Variants in NUP210 observed in about 807,000 individuals in gnomAD.
The protein encoded by NUP210 is nuclear pore membrane glycoprotein 210.
A neutral mutation model predicts 196.0 loss-of-function variants in NUP210; 151 were observed. The observed-to-expected ratio is 0.77, with a 90% CI of 0.67 to 0.88. The LOEUF (loss-of-function observed/expected upper bound fraction) is 0.88, where lower values mean the gene tolerates loss of function less well. NUP210 is among the 40% of genes least tolerant of loss of function. The probability of loss-of-function intolerance (pLI) is 0.00; values close to 1 mark genes in which losing one functional copy is unlikely to be tolerated. For synonymous variants in NUP210, 1,070 were observed against 1,052.7 expected (o/e 1.02, Z -0.32); for missense variants, 2,314 against 2,493.7 (o/e 0.93, Z 1.53).
chr3:13,326,040 C>T (rs539937450), intron 32 of NUP210, 109 bp from the exon 33 acceptor site: 4 of 1,405,274 alleles, frequency 2.8e-6, no homozygotes, highest in Non-Finnish European at 3.9e-6. Flanking sequence ...CCGCTACCCC[C>T]ATGGGGGCTC....
intron 27 of NUP210, 65 bp from the exon 28 acceptor site, chr3:13,335,677 A>G: frequency 6.4e-7 from 1 of 1,564,946 alleles, no homozygotes; most frequent in South Asian, 1.2e-5. Flanking sequence ...AAAAAGGCAG[A>G]GCCGGACAGT....
chr3:13,400,748 G>A (rs536456605), intron 1 of NUP210, among the ~76,000 whole-genome samples: 74 of 152,266 alleles, frequency 4.9e-4, no homozygotes, highest in Non-Finnish European at 7.9e-4. Context: ...TGGCCATGCT[G>A]CCCTCAGAGA....
intron 36 of NUP210, 115 bp from the exon 37 acceptor site, chr3:13,320,094 C>T: frequency 3.2e-6 from 3 of 932,852 alleles, no homozygotes; most frequent in Non-Finnish European, 4.9e-6. Context: ...TCTGGAAGCA[C>T]CCCCGCTTCA....
At chr3:13,320,694 G>A (rs1429901389) in intron 36 of NUP210, among the ~76,000 whole-genome samples, 2 of 144,866 alleles carry the variant, frequency 1.4e-5, no homozygotes, top group African/African-American at 2.6e-5. Flanking sequence ...TCAGGAGATC[G>A]AGACCATCCT....
intron 14 of NUP210, 134 bp downstream of exon 14, chr3:13,365,812 T>G: frequency 7.4e-6 from 7 of 952,136 alleles, no homozygotes; most frequent in Non-Finnish European, 1.1e-5. Flanking sequence ...CCAGAAATCA[T>G]GGGAGAGGAA....
intron 14 of NUP210, among the ~76,000 whole-genome samples, chr3:13,363,725 C>G (rs1282060313): frequency 1.3e-5 from 2 of 152,224 alleles, no homozygotes; most frequent in Non-Finnish European, 2.9e-5. Flanking sequence ...AGGAAGGAGA[C>G]AGATGAAAGG....
intron 32 of NUP210, among the ~76,000 whole-genome samples, chr3:13,326,944 T>C (rs1036912276): frequency 1.3e-5 from 2 of 152,268 alleles, no homozygotes; most frequent in African/African-American, 4.8e-5. Context: ...ATCTCTGCTA[T>C]GACCACACAA....
chr3:13,337,644 A>G (rs1344631866), intron 26 of NUP210, among the ~76,000 whole-genome samples, 193 bp downstream of exon 26: 1 of 152,228 alleles, frequency 6.6e-6, no homozygotes, highest in East Asian at 1.9e-4. Flanking sequence ...ACAGGCCAGC[A>G]GGAAGCAGGC....
intron 20 of NUP210, among the ~76,000 whole-genome samples, chr3:13,349,471 T>C (rs1697891282): frequency 6.6e-6 from 1 of 152,148 alleles, no homozygotes; most frequent in South Asian, 2.1e-4. Flanking sequence ...GTGAGAATAC[T>C]GGGGCCCGGC....
At chr3:13,377,283 C>T (rs1698944782) in intron 9 of NUP210, among the ~76,000 whole-genome samples, 173 bp downstream of exon 9, 1 of 152,142 alleles carries the variant, frequency 6.6e-6, no homozygotes, top group Non-Finnish European at 1.5e-5. Context: ...CTGGAGATGC[C>T]CCGGGATGCC....
intron 1 of NUP210, among the ~76,000 whole-genome samples, chr3:13,401,496 A>G (rs1699840144): frequency 6.7e-6 from 1 of 149,360 alleles, no homozygotes. Context: ...GAAGGAAAGC[A>G]ATCTACACCC....
chr3:13,354,207 C>T, intron 16 of NUP210, 100 bp from the exon 17 acceptor site: 1 of 992,378 alleles, frequency 1.0e-6, no homozygotes, highest in Non-Finnish European at 1.5e-6. Flanking sequence ...CCTGTGGGCT[C>T]TTGGGGGTGC....
At chr3:13,335,834 C>T (rs1216215601) in intron 27 of NUP210, among the ~76,000 whole-genome samples, 1 of 152,240 alleles carries the variant, frequency 6.6e-6, no homozygotes, top group Non-Finnish European at 1.5e-5. Flanking sequence ...GCCCTGCCTG[C>T]ATCGCACAAC....
chr3:13,360,521 A>G (rs1171542790), intron 14 of NUP210, 30 bp from the exon 15 acceptor site: 15 of 1,565,258 alleles, frequency 9.6e-6, no homozygotes, highest in Non-Finnish European at 1.2e-5. Context: ...AAGACTTGGC[A>G]TTCTTCTAAG....
In NUP210 at chr3:13,343,260, T is replaced by C. The variant is rs768107728; in HGVS notation, c.2879A>G (p.Asp960Gly). The stretch of plus-strand genomic sequence containing the variant: ...TGGGGCCGGGAAGACGAGGCACAAG[T>C]CATGGATCATGATGGTGGATGAGCC... ...LPGSSTIMIH[D>G]LCLVFPAPAK... The change falls in exon 21 of 40, where the codon GAC (aspartate) becomes GGC (glycine). Residue 960 changes from aspartate (D) to glycine (G), a missense_variant. Transcript: ENST00000254508. 6.2e-7 allele frequency: 1 copy of C among 1,605,300 alleles called. No homozygotes were observed. The highest frequency in any genetic ancestry group is 8.5e-7 in the Non-Finnish European group (1 of 1,176,310).
In NUP210 at chr3:13,369,263, T is replaced by A. The variant is rs569196173; in HGVS notation, c.1786+2571A>T. ...ATCTATTCAAGTCCTCTGCCTACTGTTTGATTGGGTTATTGGTGTTATTGC... is the reference window on the plus strand; with the variant it reads ...ATCTATTCAAGTCCTCTGCCTACTGATTGATTGGGTTATTGGTGTTATTGC... On this transcript the variant is annotated intron_variant, in intron 13 of 39. Coordinates refer to ENST00000254508, the MANE Select transcript of NUP210 (RefSeq NM_024923.4). Among the ~76,000 whole-genome samples the A allele has an allele frequency of 4.1e-4, 63 of 152,326 alleles. 2 individuals carry two copies. The South Asian group carries it at 5.4e-3, about 13-fold the overall frequency.
chr3:13,417,924 A>G (rs756144321), intron 1 of NUP210, among the ~76,000 whole-genome samples: 6 of 152,264 alleles, frequency 3.9e-5, no homozygotes, highest in Admixed American at 6.5e-5. Context: ...TGGGGGGGAA[A>G]AAAGTGTTGT....
Position 13,319,959 on chromosome 3 carries a change from G to A in NUP210, c.5187C>T (p.Ala1729=), listed in dbSNP as rs554003161. The change falls in exon 37 of 40, where the codon GCC becomes GCT. Residue 1729 remains alanine, a synonymous_variant. Transcript: ENST00000254508. ...ACTTCTCCTTTGCGAATGCCAGCAC[G>A]GCCGGGGACCCGGATTTCACCTGGA... ...ENLEVKSGSP[A]VLAFAKEKSF... is the part of the protein sequence containing the mutation. The A allele has an allele frequency of 9.8e-5, 158 of 1,613,914 alleles. 2 individuals carry two copies. The East Asian group carries it at 2.1e-3, about 22-fold the overall frequency.
chr3:13,415,558 C>A (rs930518962), intron 1 of NUP210, among the ~76,000 whole-genome samples: 2 of 152,210 alleles, frequency 1.3e-5, no homozygotes, highest in African/African-American at 4.8e-5. Context: ...GGGGAAAACA[C>A]TCTCAACGAA....
Sources: allele counts gnomAD v4.1 joint callset (sites outside exome capture counted in the v4.1 genomes callset), GRCh38; gene constraint gnomAD v4.1.1; transcripts MANE v1.5; gene names NCBI Gene and HGNC (gene_info 2026-07-23, HGNC 2026-07-21).